SPIDR: variants seen among roughly 807,000 people sequenced by gnomAD.
The protein encoded by SPIDR is scaffold protein involved in DNA repair.
SPIDR carries 93 observed loss-of-function variants against 104.6 expected under a neutral mutation model. The ratio of observed to expected loss-of-function variants is 0.89; its 90% CI spans 0.75 to 1.06. The LOEUF (loss-of-function observed/expected upper bound fraction) is 1.06. SPIDR is among the 50% of genes least tolerant of loss of function. The pLI, the probability that SPIDR is intolerant of heterozygous loss-of-function variation, is 0.00. For missense variants in SPIDR, 1,154 were observed against 1,111.2 expected (o/e 1.04, Z -0.55); for synonymous variants, 431 against 416.9 (o/e 1.03, Z -0.41).
At chr8:47,489,546 C>T (rs1554736628) in intron 8 of SPIDR, among the ~76,000 whole-genome samples, 2 of 152,190 alleles carry the variant, frequency 1.3e-5, no homozygotes, top group Non-Finnish European at 2.9e-5. Flanking sequence ...ATTGCCAAGA[C>T]AATCTTAAGC....
chr8:47,432,951 TGTA>T (rs2067617795), intron 7 of SPIDR, among the ~76,000 whole-genome samples: 1 of 152,194 alleles, frequency 6.6e-6, no homozygotes, highest in African/African-American at 2.4e-5. Flanking sequence ...GCCAGACTAT[TGTA>T]GTAACTAAGA....
intron 5 of SPIDR, among the ~76,000 whole-genome samples, chr8:47,306,964 ACTGT>A (rs1305474575): frequency 6.6e-6 from 1 of 152,078 alleles, no homozygotes; most frequent in African/African-American, 2.4e-5. Flanking sequence ...TAATTTTCAA[ACTGT>A]GTCTGTCAGT....
At chr8:47,592,706 C>G (rs1015636985) in intron 8 of SPIDR, 25 of 619,656 alleles carry the variant, frequency 4.0e-5, no homozygotes, top group Non-Finnish European at 4.0e-5. Flanking sequence ...ATATGATTGT[C>G]TTTAATGTTT....
At chr8:47,502,683 T>G (rs1317476795) in intron 8 of SPIDR, among the ~76,000 whole-genome samples, 1 of 152,234 alleles carries the variant, frequency 6.6e-6, no homozygotes, top group Non-Finnish European at 1.5e-5. Context: ...TGCTAGCTTT[T>G]GAATGTGTTT....
At chr8:47,532,176 TCTC>T (rs1345974493) in intron 8 of SPIDR, among the ~76,000 whole-genome samples, 3 of 151,180 alleles carry the variant, frequency 2.0e-5, no homozygotes, top group Non-Finnish European at 4.4e-5. Context: ...TTCAAGCAAT[TCTC>T]CTGCCTCAGC....
intron 16 of SPIDR, among the ~76,000 whole-genome samples, chr8:47,718,760 G>T (rs1384199021): frequency 2.6e-5 from 4 of 152,122 alleles, no homozygotes; most frequent in Non-Finnish European, 4.4e-5. Context: ...AGCAATGGCA[G>T]GATTCTTTTT....
At chr8:47,583,237 C>T (rs1052885227) in intron 8 of SPIDR, among the ~76,000 whole-genome samples, 12 of 145,954 alleles carry the variant, frequency 8.2e-5, no homozygotes, top group African/African-American at 2.5e-4. Flanking sequence ...ACCCAGGAGG[C>T]GGAGCGTGCA....
chr8:47,521,082 T>G (rs1236495176), intron 8 of SPIDR, among the ~76,000 whole-genome samples: 1 of 152,188 alleles, frequency 6.6e-6, no homozygotes, highest in African/African-American at 2.4e-5. Context: ...ATCCAAGACG[T>G]CTGTCAATAG....
At chr8:47,294,942 A>G (rs2040574037) in intron 5 of SPIDR, among the ~76,000 whole-genome samples, 1 of 151,938 alleles carries the variant, frequency 6.6e-6, no homozygotes, top group Non-Finnish European at 1.5e-5. Flanking sequence ...AATTACATGT[A>G]TATTAATTAG....
chr8:47,597,592 C>T (rs2154424494), intron 9 of SPIDR, among the ~76,000 whole-genome samples: 1 of 152,332 alleles, frequency 6.6e-6, no homozygotes, highest in South Asian at 2.1e-4. Flanking sequence ...TGACAACGTT[C>T]ATTTTCTCTA....
At chr8:47,667,880 G>A (rs2075200696) in intron 10 of SPIDR, 1 of 152,012 alleles carries the variant, frequency 6.6e-6, no homozygotes, top group Admixed American at 6.6e-5. Flanking sequence ...ATATTTTTTA[G>A]TAATATTAAT....
At chr8:47,648,815 A>G (rs905523527) in intron 10 of SPIDR, among the ~76,000 whole-genome samples, 17 of 152,218 alleles carry the variant, frequency 1.1e-4, no homozygotes, top group Non-Finnish European at 2.4e-4. Flanking sequence ...TCATGCATCA[A>G]AATAAGGGAT....
At chr8:47,678,919 T>G (rs2076766352) in intron 11 of SPIDR, among the ~76,000 whole-genome samples, 2 of 152,176 alleles carry the variant, frequency 1.3e-5, no homozygotes, top group South Asian at 4.1e-4. Flanking sequence ...AATAACCATC[T>G]GAGTCAGGAT....
intron 8 of SPIDR, among the ~76,000 whole-genome samples, chr8:47,446,920 C>T (rs797040176): frequency 2.0e-4 from 31 of 152,202 alleles, no homozygotes; most frequent in African/African-American, 6.7e-4. Context: ...AACTGAAAAC[C>T]TTCCTGAAAG....
chr8:47,660,437 T>G, intron 10 of SPIDR: 1 of 985,458 alleles, frequency 1.0e-6, no homozygotes, highest in Non-Finnish European at 1.2e-6. Flanking sequence ...TCTTCCAACA[T>G]GGTCCAGGCC....
intron 8 of SPIDR, among the ~76,000 whole-genome samples, chr8:47,456,902 A>G (rs957527626): frequency 2.6e-5 from 4 of 152,150 alleles, no homozygotes; most frequent in African/African-American, 4.8e-5. Flanking sequence ...AAAATCTCCA[A>G]TCCCATCTAA....
chr8:47,289,640 G>C (rs2039534731), intron 3 of SPIDR, among the ~76,000 whole-genome samples: 1 of 152,084 alleles, frequency 6.6e-6, no homozygotes, highest in African/African-American at 2.4e-5. Context: ...GGAGAGACTG[G>C]ATCACCAGTA....
intron 16 of SPIDR, among the ~76,000 whole-genome samples, chr8:47,715,964 C>CTTTTTT (rs965625857): frequency 7.9e-6 from 1 of 127,094 alleles, no homozygotes; most frequent in African/African-American, 3.0e-5. Context: ...TCTCTTTTTT[C>CTTTTTT]TTTTTTTTTT....
chr8:47,336,244 A>G (rs1376165249), intron 5 of SPIDR, among the ~76,000 whole-genome samples: 1 of 152,104 alleles, frequency 6.6e-6, no homozygotes, highest in Non-Finnish European at 1.5e-5. Context: ...GTGTTTTTAC[A>G]CTTTTTGGCT....
Sources: allele counts gnomAD v4.1 joint callset (sites outside exome capture counted in the v4.1 genomes callset), GRCh38; gene constraint gnomAD v4.1.1; transcripts MANE v1.5; gene names NCBI Gene and HGNC (gene_info 2026-07-23, HGNC 2026-07-21).